PIP4K2A: variants seen among roughly 807,000 people sequenced by gnomAD.
PIP4K2A encodes the protein phosphatidylinositol-5-phosphate 4-kinase type 2 alpha, also known as phosphatidylinositol 5-phosphate 4-kinase type-2 alpha.
Under a neutral mutation model 42.9 loss-of-function variants are expected in PIP4K2A, and 14 were observed. That is an observed-to-expected ratio of 0.33 (90% CI 0.22 to 0.51). PIP4K2A has a LOEUF of 0.51. Among genes scored for constraint, PIP4K2A ranks in the 20% least tolerant of loss-of-function variants. The pLI is 0.97. For synonymous variants in PIP4K2A, 192 were observed against 192.2 expected (o/e 1.00, Z 0.01); for missense variants, 434 against 519.8 (o/e 0.83, Z 1.61).
chr10:22,684,291 T>C (rs1207577287), intron 1 of PIP4K2A, among the ~76,000 whole-genome samples: 2 of 152,212 alleles, frequency 1.3e-5, no homozygotes, highest in Non-Finnish European at 2.9e-5. Context: ...CCAGCATTAG[T>C]ATCTGTGGTA....
chr10:22,573,120 T>C (rs759657971), intron 5 of PIP4K2A, among the ~76,000 whole-genome samples, 191 bp downstream of exon 5: 3 of 152,218 alleles, frequency 2.0e-5, no homozygotes, highest in Admixed American at 6.5e-5. Flanking sequence ...GTGATATCTC[T>C]AACATGTGCC....
Position 22,664,192 on chromosome 10 carries a change from C to T in PIP4K2A, c.144+49991G>A, listed in dbSNP as rs11591770. 3.1e-3 allele frequency among the ~76,000 whole-genome samples: 171 copies of T among 55,462 alleles called. 6 individuals are homozygous for T. The highest frequency in any genetic ancestry group is 0.015 in the African/African-American group (131 of 8,560). 36.4% of individuals were successfully genotyped at this position (55,462 alleles called of 152,430 possible). On this transcript the variant is annotated intron_variant, in intron 1 of 9. Transcript: ENST00000376573. Reference sequence around the variant, plus strand: ...ACATATATATATATACATATATATACATATATATATACATATATATATATA... The same window carrying T: ...ACATATATATATATACATATATATATATATATATATACATATATATATATA...
At chr10:22,573,517 T>C (rs563593537) in intron 4 of PIP4K2A, 60 bp from the exon 5 acceptor site, 2 of 1,447,176 alleles carry the variant, frequency 1.4e-6, no homozygotes, top group African/African-American at 2.8e-5. Context: ...CTTCCTTAGA[T>C]GTAAAATACA....
At chr10:22,689,493 A>G (rs1210213473) in intron 1 of PIP4K2A, among the ~76,000 whole-genome samples, 1 of 152,206 alleles carries the variant, frequency 6.6e-6, no homozygotes, top group Non-Finnish European at 1.5e-5. Flanking sequence ...TATGGCAACT[A>G]TGTACATAGC....
intron 1 of PIP4K2A, among the ~76,000 whole-genome samples, chr10:22,664,176 T>TACAC (rs1223611266): frequency 6.5e-5 from 5 of 77,272 alleles, no homozygotes; most frequent in African/African-American, 9.6e-5. Flanking sequence ...TACATATATA[T>TACAC]ATATACATAT....
intron 1 of PIP4K2A, among the ~76,000 whole-genome samples, chr10:22,689,188 C>T (rs528439845): frequency 6.6e-6 from 1 of 152,154 alleles, no homozygotes; most frequent in South Asian, 2.1e-4. Context: ...TGCCCCTCAC[C>T]CCCTCTCTTC....
At chr10:22,585,778 T>C (rs776485281) in intron 4 of PIP4K2A, among the ~76,000 whole-genome samples, 2 of 152,136 alleles carry the variant, frequency 1.3e-5, no homozygotes, top group Non-Finnish European at 2.9e-5. Context: ...GTAGTTTTAG[T>C]AGAGACCGGA....
At chr10:22,645,636 G>T (rs1382559226) in intron 1 of PIP4K2A, among the ~76,000 whole-genome samples, 1 of 149,564 alleles carries the variant, frequency 6.7e-6, no homozygotes, top group Non-Finnish European at 1.5e-5. Context: ...TGTAAACTTT[G>T]TTAAAGTAAC....
chr10:22,570,754 T>C (rs1396976366), intron 5 of PIP4K2A, among the ~76,000 whole-genome samples: 3 of 152,006 alleles, frequency 2.0e-5, no homozygotes, highest in East Asian at 3.9e-4. Flanking sequence ...GTATAAATAA[T>C]GCAAAAACAA....
At chr10:22,619,781 T>G (rs1838278446) in intron 1 of PIP4K2A, among the ~76,000 whole-genome samples, 1 of 152,240 alleles carries the variant, frequency 6.6e-6, no homozygotes, top group Non-Finnish European at 1.5e-5. Context: ...GATGTCTATC[T>G]GCAGATAAGA....
intron 5 of PIP4K2A, 71 bp downstream of exon 5, chr10:22,573,240 C>T: frequency 1.4e-6 from 2 of 1,386,510 alleles, no homozygotes. Context: ...TTCTGATGAT[C>T]AATGACAACA....
At chr10:22,587,622 C>A (rs991354856) in intron 4 of PIP4K2A, among the ~76,000 whole-genome samples, 6 of 152,164 alleles carry the variant, frequency 3.9e-5, no homozygotes, top group African/African-American at 1.4e-4. Flanking sequence ...AATGACAGGC[C>A]TGTGTCCGGT....
chr10:22,586,187 T>C (rs144099898), intron 4 of PIP4K2A, among the ~76,000 whole-genome samples: 87 of 152,312 alleles, frequency 5.7e-4, no homozygotes, highest in African/African-American at 1.9e-3. Context: ...TCAAATGAAG[T>C]AAACAAAATT....
intron 1 of PIP4K2A, among the ~76,000 whole-genome samples, chr10:22,700,957 T>A (rs550631367): frequency 6.6e-6 from 1 of 152,152 alleles, no homozygotes; most frequent in African/African-American, 2.4e-5. Flanking sequence ...GAGAGAAGTA[T>A]AGAAGCACCT....
At chr10:22,622,490 C>T (rs1838352897) in intron 1 of PIP4K2A, among the ~76,000 whole-genome samples, 3 of 152,224 alleles carry the variant, frequency 2.0e-5, no homozygotes, top group Non-Finnish European at 1.5e-5. Context: ...GGCCCTCTGC[C>T]GCTGTCCCCT....
chr10:22,657,139 A>G (rs1439501008), intron 1 of PIP4K2A, among the ~76,000 whole-genome samples: 7 of 152,230 alleles, frequency 4.6e-5, no homozygotes, highest in Non-Finnish European at 1.0e-4. Flanking sequence ...GATATATCAA[A>G]CATCTGTGTC....
chr10:22,588,429 T>C (rs1588645955), intron 4 of PIP4K2A, among the ~76,000 whole-genome samples: 1 of 152,208 alleles, frequency 6.6e-6, no homozygotes, highest in East Asian at 1.9e-4. Context: ...CAAGACCACT[T>C]ACATTTCTCC....
intron 3 of PIP4K2A, among the ~76,000 whole-genome samples, chr10:22,603,603 G>C (rs1288574797): frequency 6.6e-6 from 1 of 152,202 alleles, no homozygotes; most frequent in East Asian, 1.9e-4. Context: ...AGTTTTTAAA[G>C]AAAGTGATGC....
intron 4 of PIP4K2A, among the ~76,000 whole-genome samples, chr10:22,581,953 A>C (rs2130807902): frequency 6.6e-6 from 1 of 152,124 alleles, no homozygotes; most frequent in South Asian, 2.1e-4. Context: ...CTCTACAAAA[A>C]AAAATAAAAG....
Sources: gnomAD v4.1 joint callset for allele counts (sites outside exome capture counted in the v4.1 genomes callset) on GRCh38, gnomAD v4.1.1 for gene constraint, MANE v1.5 for transcripts, NCBI Gene and HGNC (gene_info 2026-07-23, HGNC 2026-07-21) for gene names.